Variants in USP37 observed in about 807,000 individuals in gnomAD.
USP37 encodes ubiquitin carboxyl-terminal hydrolase 37.
In USP37, 27 loss-of-function variants were observed where a neutral mutation model predicts 124.0. The ratio of observed to expected loss-of-function variants is 0.22; its 90% CI spans 0.16 to 0.30. The LOEUF (loss-of-function observed/expected upper bound fraction) is 0.30, where lower values mean the gene tolerates loss of function less well. USP37 is among the 10% of genes least tolerant of loss of function. The probability of loss-of-function intolerance (pLI) is 1.00; values close to 1 mark genes in which losing one functional copy is unlikely to be tolerated. For missense variants in USP37, 889 were observed against 1,140.4 expected (o/e 0.78, Z 3.17); for synonymous variants, 365 against 388.0 (o/e 0.94, Z 0.70).
At chr2:218,460,642 T>C (rs1689965925) in intron 22 of USP37, among the ~76,000 whole-genome samples, 1 of 152,130 alleles carries the variant, frequency 6.6e-6, no homozygotes, top group Non-Finnish European at 1.5e-5. Context: ...CTTTTTTTCT[T>C]TGTATTAAAT....
Position 218,553,759 on chromosome 2 carries a change from T to C in USP37, c.157-35A>G, listed in dbSNP as rs770563589. ...ACAAAAGGAAAATTATCATCAAAAA[T>C]GTATGACAACTAAGTATAACAATCT... On this transcript the variant is annotated intron_variant, in intron 4 of 25. Transcript: ENST00000258399. The C allele has an allele frequency of 2.5e-6, 4 of 1,575,218 alleles. No individual in the cohort carries two copies. In the African/African-American group the frequency reaches 5.4e-5, roughly 21 times the overall value.
intron 18 of USP37, 68 bp from the exon 19 acceptor site, chr2:218,477,049 T>C: frequency 2.1e-6 from 3 of 1,406,046 alleles, no homozygotes; most frequent in Non-Finnish European, 2.8e-6. Flanking sequence ...ATTGTAAAAA[T>C]ATCAAAACAA....
In USP37 at chr2:218,466,186, C is replaced by T; in HGVS notation, c.2300-10G>A. The T allele has an allele frequency of 1.3e-6, 2 of 1,581,586 alleles. No individual in the cohort carries two copies. Among genetic ancestry groups the T allele is most frequent in the Non-Finnish European group, 1.7e-6 (2 of 1,167,116 alleles). On this transcript the variant is annotated splice_polypyrimidine_tract_variant and intron_variant, in intron 20 of 25. Transcript: ENST00000258399. ...GTAAAACTGGCAGGATCTGAGGAAG[C>T]AGAACATAACATTAATTTGGAAAAT...
intron 16 of USP37, among the ~76,000 whole-genome samples, chr2:218,484,069 G>C (rs1025115980): frequency 6.6e-6 from 1 of 152,014 alleles, no homozygotes; most frequent in Non-Finnish European, 1.5e-5. Flanking sequence ...TGAGGCAGGA[G>C]AATCGCTTGA....
chr2:218,483,305 A>G (rs1466991792), intron 16 of USP37, among the ~76,000 whole-genome samples: 1 of 152,020 alleles, frequency 6.6e-6, no homozygotes, highest in Non-Finnish European at 1.5e-5. Context: ...GGTGGGGGGG[A>G]AGGTAATATA....
At position 218,474,952 on chromosome 2, in the gene USP37, T is replaced by G; in HGVS notation, c.2044-67A>C. On this transcript the variant is annotated intron_variant, in intron 19 of 25. Transcript: ENST00000258399. ...CAAATATAGCAATCTTAATTAGTATTTAAAGTAGCAACTTTATTTCTAAAA... is the reference window on the plus strand; with the variant it reads ...CAAATATAGCAATCTTAATTAGTATGTAAAGTAGCAACTTTATTTCTAAAA... 2.0e-6 allele frequency: 3 copies of G among 1,484,758 alleles called. No individual in the cohort carries two copies. In the South Asian group the frequency reaches 4.1e-5, roughly 20 times the overall value. 92.0% of individuals were successfully genotyped at this position (1,484,758 alleles called of 1,614,324 possible).
chr2:218,537,086 T>C (rs1212549740), intron 8 of USP37, among the ~76,000 whole-genome samples: 2 of 152,224 alleles, frequency 1.3e-5, no homozygotes, highest in African/African-American at 4.8e-5. Flanking sequence ...CATTGACTTA[T>C]ATACCCTTAA....
chr2:218,521,970 G>A (rs983484913), intron 10 of USP37, among the ~76,000 whole-genome samples: 2 of 151,980 alleles, frequency 1.3e-5, no homozygotes, highest in Non-Finnish European at 2.9e-5. Context: ...GACCTCCTGG[G>A]CTCAAGCGAT....
chr2:218,537,594 T>A (rs1233461367), intron 8 of USP37, among the ~76,000 whole-genome samples: 1 of 152,198 alleles, frequency 6.6e-6, no homozygotes, highest in Admixed American at 6.5e-5. Flanking sequence ...AGTTACTATT[T>A]CAAGTCACTA....
intron 20 of USP37, among the ~76,000 whole-genome samples, chr2:218,474,402 C>T (rs1690852023): frequency 6.6e-6 from 1 of 152,126 alleles, no homozygotes; most frequent in Non-Finnish European, 1.5e-5. Context: ...CACTCTGTCG[C>T]CCAGGCTGGA....
intron 20 of USP37, among the ~76,000 whole-genome samples, chr2:218,469,607 G>C (rs1417351656): frequency 6.6e-6 from 1 of 152,036 alleles, no homozygotes; most frequent in Non-Finnish European, 1.5e-5. Context: ...GATTATACTA[G>C]TAACTAATCC....
intron 8 of USP37, among the ~76,000 whole-genome samples, chr2:218,544,430 T>TATAGAGAGAGAGAG (rs377397246): frequency 4.1e-4 from 21 of 50,812 alleles, no homozygotes; most frequent in African/African-American, 2.3e-3. Flanking sequence ...TATATATATA[T>TATAGAGAGAGAGAG]AGAGAGAGAG....
At chr2:218,473,773 A>G (rs1260895961) in intron 20 of USP37, among the ~76,000 whole-genome samples, 1 of 152,252 alleles carries the variant, frequency 6.6e-6, no homozygotes, top group Non-Finnish European at 1.5e-5. Context: ...AAAAAATAGT[A>G]TAGCATTTTA....
At chr2:218,500,252 C>T (rs531012987) in intron 11 of USP37, among the ~76,000 whole-genome samples, 61 of 151,290 alleles carry the variant, frequency 4.0e-4, no homozygotes, top group African/African-American at 6.8e-4. Context: ...TGTTTGTATT[C>T]ATTTATTTAT....
At chr2:218,506,733 T>G (rs916028340) in intron 11 of USP37, among the ~76,000 whole-genome samples, 1 of 152,118 alleles carries the variant, frequency 6.6e-6, no homozygotes, top group Non-Finnish European at 1.5e-5. Context: ...CTTCTCCATC[T>G]TTTCTGAGTT....
chr2:218,463,251 AT>A, intron 22 of USP37, 54 bp downstream of exon 22: 2 of 1,385,974 alleles, frequency 1.4e-6, no homozygotes, highest in Non-Finnish European at 2.0e-6. Context: ...ATGTTCTTCT[AT>A]GTGTGAATGG....
At chr2:218,521,400 C>T (rs763185294) in intron 10 of USP37, among the ~76,000 whole-genome samples, 4 of 152,074 alleles carry the variant, frequency 2.6e-5, no homozygotes, top group Non-Finnish European at 4.4e-5. Flanking sequence ...TATAGATGTG[C>T]CATGGTGATT....
chr2:218,460,316 G>C (rs930821801), intron 22 of USP37, among the ~76,000 whole-genome samples: 3 of 151,568 alleles, frequency 2.0e-5, no homozygotes, highest in Non-Finnish European at 4.4e-5. Context: ...AGATAAAATA[G>C]TTTGAGGTAC....
intron 10 of USP37, among the ~76,000 whole-genome samples, chr2:218,521,179 C>G (rs1344897161): frequency 6.6e-6 from 1 of 152,194 alleles, no homozygotes; most frequent in Non-Finnish European, 1.5e-5. Context: ...GCTCCCTGTA[C>G]AGCCTGCAGA....
Sources: allele counts gnomAD v4.1 joint callset (sites outside exome capture counted in the v4.1 genomes callset), GRCh38; gene constraint gnomAD v4.1.1; transcripts MANE v1.5; gene names NCBI Gene and HGNC (gene_info 2026-07-23, HGNC 2026-07-21).